The following CTIF variants were observed in gnomAD, a reference collection of about 807,000 sequenced individuals.
CTIF encodes the protein cap binding complex dependent translation initiation factor.
In CTIF, 21 loss-of-function variants were observed where a neutral mutation model predicts 66.0. The ratio of observed to expected loss-of-function variants is 0.32; its 90% CI spans 0.23 to 0.46. The LOEUF (loss-of-function observed/expected upper bound fraction) is 0.46. CTIF is among the 20% of genes least tolerant of loss of function. CTIF has a pLI of 1.00. For synonymous variants in CTIF, 345 were observed against 326.4 expected (o/e 1.06, Z -0.62); for missense variants, 739 against 812.7 (o/e 0.91, Z 1.10).
At chr18:48,740,564 G>A (rs1431265468) in intron 7 of CTIF, among the ~76,000 whole-genome samples, 7 of 152,256 alleles carry the variant, frequency 4.6e-5, no homozygotes, top group African/African-American at 1.4e-4. Flanking sequence ...TGAGACTGGT[G>A]TTCCTCAGTT....
intron 6 of CTIF, among the ~76,000 whole-genome samples, chr18:48,701,109 T>C (rs575405817): frequency 3.9e-5 from 6 of 152,300 alleles, no homozygotes; most frequent in African/African-American, 1.4e-4. Flanking sequence ...ATCTGTGCCA[T>C]AGACACACCA....
chr18:48,682,332 C>A (rs957092216), intron 6 of CTIF, among the ~76,000 whole-genome samples: 4 of 152,194 alleles, frequency 2.6e-5, no homozygotes, highest in African/African-American at 7.2e-5. Context: ...CTCTGCAGCT[C>A]TTTGCACAGG....
chr18:48,804,465 G>A (rs1448641143), intron 9 of CTIF, among the ~76,000 whole-genome samples: 1 of 152,250 alleles, frequency 6.6e-6, no homozygotes, highest in Non-Finnish European at 1.5e-5. Context: ...ATGATGGCCA[G>A]CTGTGAGTAC....
intron 9 of CTIF, among the ~76,000 whole-genome samples, chr18:48,796,549 C>T (rs753465858): frequency 1.3e-5 from 2 of 152,090 alleles, no homozygotes; most frequent in African/African-American, 4.8e-5. Flanking sequence ...GGCCTGTGTG[C>T]CGACAAAGGG....
intron 1 of CTIF, among the ~76,000 whole-genome samples, chr18:48,604,126 G>A (rs1021787107): frequency 2.8e-5 from 4 of 140,448 alleles, no homozygotes; most frequent in African/African-American, 1.0e-4. Flanking sequence ...TTACAGGTGT[G>A]AACCACCACA....
intron 11 of CTIF, among the ~76,000 whole-genome samples, chr18:48,858,934 G>A (rs777759719): frequency 1.6e-4 from 24 of 152,244 alleles, no homozygotes; most frequent in Admixed American, 3.3e-4. Context: ...CCAGAGAGAC[G>A]CCCCAGCAAG....
At chr18:48,743,919 G>T (rs1408580745) in intron 7 of CTIF, among the ~76,000 whole-genome samples, 1 of 152,146 alleles carries the variant, frequency 6.6e-6, no homozygotes, top group Admixed American at 6.5e-5. Context: ...GTAAAAATAA[G>T]AATAATGAGA....
intron 1 of CTIF, chr18:48,564,900 T>C (rs1676726173): frequency 6.6e-6 from 1 of 152,174 alleles, no homozygotes; most frequent in Non-Finnish European, 1.5e-5. Context: ...ATTACAGATG[T>C]GAGCCACCAA....
intron 1 of CTIF, among the ~76,000 whole-genome samples, chr18:48,582,608 G>A (rs1224155186): frequency 3.3e-5 from 5 of 152,144 alleles, no homozygotes; most frequent in African/African-American, 9.7e-5. Context: ...GCCCAGAGAC[G>A]GCTGTGACCT....
At chr18:48,729,480 C>T (rs72911658) in intron 7 of CTIF, among the ~76,000 whole-genome samples, 59 of 152,320 alleles carry the variant, frequency 3.9e-4, no homozygotes, top group Non-Finnish European at 7.1e-4. Flanking sequence ...GATGGCTCCC[C>T]CAGCCTTTCT....
At chr18:48,674,900 G>A (rs568739641) in intron 6 of CTIF, among the ~76,000 whole-genome samples, 4 of 152,228 alleles carry the variant, frequency 2.6e-5, no homozygotes, top group African/African-American at 9.7e-5. Context: ...GTGGCTGGAG[G>A]GAAAGGAGCA....
At chr18:48,745,235 T>A (rs1438084471) in intron 7 of CTIF, among the ~76,000 whole-genome samples, 1 of 152,168 alleles carries the variant, frequency 6.6e-6, no homozygotes, top group Non-Finnish European at 1.5e-5. Context: ...CATTTCTTCA[T>A]GATTGGACTT....
rs534195318 is a variant in CTIF at position 48,753,059 on chromosome 18, C to T, written c.585-4860C>T. On this transcript the variant is annotated intron_variant, in intron 7 of 11. Coordinates refer to ENST00000256413, the MANE Select transcript of CTIF (RefSeq NM_014772.3). ...TGGTGCCTGTGCCTCCGAGCCTCAC[C>T]GCAACCCTTGCGTTGTCCCAGGTGA... Among the ~76,000 whole-genome samples the T allele has an allele frequency of 2.9e-4, 44 of 152,328 alleles. No individual in the cohort carries two copies. In the Middle Eastern group the frequency reaches 0.017, roughly 59 times the overall value.
chr18:48,570,673 G>A (rs147466276), intron 1 of CTIF, among the ~76,000 whole-genome samples: 20 of 152,300 alleles, frequency 1.3e-4, no homozygotes, highest in African/African-American at 4.8e-4. Context: ...ATCAAAAGTC[G>A]AAGGGGAGTT....
At chr18:48,558,836 C>G (rs1334218822) in intron 1 of CTIF, among the ~76,000 whole-genome samples, 1 of 152,190 alleles carries the variant, frequency 6.6e-6, no homozygotes, top group Non-Finnish European at 1.5e-5. Context: ...AAAGTGTTCT[C>G]TTTGACATCC....
In CTIF at chr18:48,640,506, C is replaced by T. The variant is rs142715548; in HGVS notation, c.252+3821C>T. ...ACTTTGATGAGCTTTCTGGGGCCAT[C>T]AGGATGATGGGAGAACACTGCTAAC... On this transcript the variant is annotated intron_variant, in intron 3 of 11. Transcript: ENST00000256413. 1.2e-3 allele frequency among the ~76,000 whole-genome samples: 190 copies of T among 152,300 alleles called. 1 individual carries two copies. In the South Asian group the frequency reaches 0.015, roughly 12 times the overall value.
At chr18:48,796,994 C>T (rs1024338875) in intron 9 of CTIF, among the ~76,000 whole-genome samples, 4 of 152,210 alleles carry the variant, frequency 2.6e-5, no homozygotes. Context: ...CCATGTCAGC[C>T]ATCTGCAGCA....
At chr18:48,792,588 A>G (rs1485005936) in intron 9 of CTIF, among the ~76,000 whole-genome samples, 9 of 152,196 alleles carry the variant, frequency 5.9e-5, no homozygotes, top group African/African-American at 2.2e-4. Context: ...AGAGTAAATA[A>G]GGGAGAGTCT....
At chr18:48,788,404 C>G (rs1911911511) in intron 9 of CTIF, among the ~76,000 whole-genome samples, 1 of 152,180 alleles carries the variant, frequency 6.6e-6, no homozygotes, top group African/African-American at 2.4e-5. Context: ...GGTAAGCTGT[C>G]TCTTCCTCCC....
Sources: allele counts gnomAD v4.1 joint callset (sites outside exome capture counted in the v4.1 genomes callset), GRCh38; gene constraint gnomAD v4.1.1; transcripts MANE v1.5; gene names NCBI Gene and HGNC (gene_info 2026-07-23, HGNC 2026-07-21).